Variants in CAMK2B observed in about 807,000 individuals in gnomAD.
CAMK2B encodes the protein calcium/calmodulin-dependent protein kinase type II subunit beta.
Under a neutral mutation model 93.7 loss-of-function variants are expected in CAMK2B, and 27 were observed. The ratio of observed to expected loss-of-function variants is 0.29; its 90% CI spans 0.21 to 0.40. The LOEUF is 0.40. CAMK2B is among the 10% of genes least tolerant of loss of function. CAMK2B has a pLI of 1.00. For missense variants in CAMK2B, 568 were observed against 895.8 expected, an observed-to-expected ratio of 0.63 and a Z score of 4.67; for synonymous variants, 374 against 358.8, an observed-to-expected ratio of 1.04 and a Z score of -0.48.
intron 18 of CAMK2B, 43 bp downstream of exon 18, chr7:44,229,345 C>G: frequency 7.3e-7 from 1 of 1,372,602 alleles, no homozygotes; most frequent in Non-Finnish European, 9.9e-7. Flanking sequence ...GGTTGCCAGC[C>G]CTCCAACATG....
chr7:44,299,759 T>C (rs1789379554), intron 1 of CAMK2B, among the ~76,000 whole-genome samples: 1 of 152,130 alleles, frequency 6.6e-6, no homozygotes, highest in African/African-American at 2.4e-5. Flanking sequence ...GAGATGATAA[T>C]AGTATCTCTT....
At position 44,247,323 on chromosome 7, in the gene CAMK2B, G is replaced by A. The variant is rs945840425; in HGVS notation, c.342-131C>T. On this transcript the variant is annotated intron_variant, in intron 5 of 23. Transcript: ENST00000395749. The stretch of plus-strand genomic sequence containing the variant: ...GACAAAGCAAGTCAAGGTGAGAGGA[G>A]ATGCTGGCCAGGAGGGGCCTCTGGG... The A allele has an allele frequency of 2.8e-5, 21 of 761,736 alleles. No individual in the cohort carries two copies. In the African/African-American group the frequency reaches 3.1e-4, roughly 11 times the overall value. The allele number at this position is 761,736 out of a possible 1,614,324, so 47.2% of individuals were successfully genotyped here. A position where few individuals can be genotyped will look rare whatever the true frequency, so the allele number is the denominator to read the frequency against.
At chr7:44,300,654 G>A (rs965989978) in intron 1 of CAMK2B, among the ~76,000 whole-genome samples, 3 of 152,144 alleles carry the variant, frequency 2.0e-5, no homozygotes, top group African/African-American at 7.2e-5. Flanking sequence ...GGAACTGTAA[G>A]GATAAAAAGA....
intron 2 of CAMK2B, among the ~76,000 whole-genome samples, chr7:44,263,759 A>G: frequency 6.6e-6 from 1 of 152,202 alleles, no homozygotes; most frequent in Non-Finnish European, 1.5e-5. Flanking sequence ...TTAAAAACTG[A>G]TGGAGATTGT....
chr7:44,247,210 T>C lies in CAMK2B; in HGVS notation c.342-18A>G. The C allele has an allele frequency of 6.2e-7, 1 of 1,612,526 alleles. No homozygotes were observed. Among genetic ancestry groups the C allele is most frequent in the Non-Finnish European group, 8.5e-7 (1 of 1,178,874 alleles). On this transcript the variant is annotated intron_variant, in intron 5 of 23. Coordinates refer to ENST00000395749, the MANE Select transcript of CAMK2B (RefSeq NM_001220.5). ...TACAGTGACTGTGGCAAACAGCAGGTGGGTTAGTGCGAGTGGCCCTGGGGA... is the reference window on the plus strand; with the variant it reads ...TACAGTGACTGTGGCAAACAGCAGGCGGGTTAGTGCGAGTGGCCCTGGGGA...
intron 1 of CAMK2B, among the ~76,000 whole-genome samples, chr7:44,291,494 C>T (rs933782998): frequency 6.6e-6 from 1 of 152,334 alleles, no homozygotes; most frequent in Non-Finnish European, 1.5e-5. Context: ...AGACAAGCAG[C>T]TGGACACACT....
intron 17 of CAMK2B, 27 bp downstream of exon 17, chr7:44,230,979 G>T (rs376963161): frequency 1.3e-6 from 2 of 1,549,902 alleles, no homozygotes; most frequent in Admixed American, 2.0e-5. Flanking sequence ...AAGGCCGCTG[G>T]GGGGGCAAGG....
At chr7:44,315,068 T>C (rs1003628618) in intron 1 of CAMK2B, among the ~76,000 whole-genome samples, 1 of 152,204 alleles carries the variant, frequency 6.6e-6, no homozygotes, top group Non-Finnish European at 1.5e-5. Flanking sequence ...AATACAAAAG[T>C]TTTCACTGTT....
intron 4 of CAMK2B, among the ~76,000 whole-genome samples, chr7:44,258,659 G>A (rs1057285917): frequency 2.6e-5 from 4 of 152,220 alleles, no homozygotes; most frequent in Non-Finnish European, 5.9e-5. Context: ...GCCTCTGTGG[G>A]CCTCAGTAAC....
intron 1 of CAMK2B, among the ~76,000 whole-genome samples, chr7:44,297,248 GTAT>G (rs1024547953): frequency 7.2e-5 from 11 of 152,094 alleles, no homozygotes; most frequent in African/African-American, 2.4e-4. Flanking sequence ...AGTTGTAAAT[GTAT>G]ATAGGTATAT....
rs1329168047 is a variant in CAMK2B, at chr7:44,224,688, G to A, written c.1597+1828C>T. ...CCCAAGCCCATCTCTCAGAGCCAGA[G>A]GTGGCTGCGGGAGGGAGGGCAGCTG... is the stretch of plus-strand genomic sequence containing the variant. On this transcript the variant is annotated intron_variant, in intron 20 of 23. Transcript: ENST00000395749. The surrounding 1 kb of genome is among the most constrained non-coding windows in gnomAD (Gnocchi z 4.4). Among the ~76,000 whole-genome samples the A allele has an allele frequency of 6.6e-6, 1 of 152,204 alleles. No individual in the cohort carries two copies. The highest frequency in any genetic ancestry group is 1.5e-5 in the Non-Finnish European group (1 of 68,026).
At chr7:44,319,480 G>C (rs1420466872) in intron 1 of CAMK2B, among the ~76,000 whole-genome samples, 1 of 152,158 alleles carries the variant, frequency 6.6e-6, no homozygotes, top group Non-Finnish European at 1.5e-5. Flanking sequence ...TCTGCTCTTC[G>C]GGATTCCTAG....
chr7:44,266,996 C>T (rs970586965), intron 2 of CAMK2B: 2 of 152,322 alleles, frequency 1.3e-5, no homozygotes, highest in African/African-American at 4.8e-5. Flanking sequence ...AGGCTCACGG[C>T]ACCTCTACGT....
chr7:44,240,917 G>A (rs547338505), intron 11 of CAMK2B, among the ~76,000 whole-genome samples, 168 bp from the exon 12 acceptor site: 2 of 152,230 alleles, frequency 1.3e-5, no homozygotes, highest in African/African-American at 4.8e-5. Flanking sequence ...GCCAGCAGCC[G>A]CACTGAGACA....
intron 15 of CAMK2B, 150 bp from the exon 16 acceptor site, chr7:44,233,016 G>T: frequency 1.4e-6 from 1 of 704,660 alleles, no homozygotes; most frequent in Non-Finnish European, 2.5e-6. Flanking sequence ...TGGGGGACAG[G>T]GATGGAGGCG....
chr7:44,243,649 T>G, intron 6 of CAMK2B, 122 bp from the exon 7 acceptor site: 2 of 731,132 alleles, frequency 2.7e-6, no homozygotes, highest in Non-Finnish European at 4.7e-6. Flanking sequence ...TGCACAGGTC[T>G]GAGCCCTGCC....
intron 18 of CAMK2B, 155 bp from the exon 19 acceptor site, chr7:44,229,079 C>T: frequency 1.3e-6 from 1 of 762,066 alleles, no homozygotes; most frequent in South Asian, 1.5e-5. Context: ...GCAGGGAGCC[C>T]CCCCGCCCGC....
chr7:44,301,487 AAAG>A (rs1459669411), intron 1 of CAMK2B, among the ~76,000 whole-genome samples: 1 of 152,184 alleles, frequency 6.6e-6, no homozygotes, highest in Non-Finnish European at 1.5e-5. Flanking sequence ...TACATTTTGA[AAAG>A]AAGAGGCCGG....
At chr7:44,283,656 C>A (rs112726422) in intron 2 of CAMK2B, among the ~76,000 whole-genome samples, 1 of 152,342 alleles carries the variant, frequency 6.6e-6, no homozygotes, top group Admixed American at 6.5e-5. Context: ...GATGGCCAAC[C>A]GCAGCACTGC....
Sources: allele counts gnomAD v4.1 joint callset (sites outside exome capture counted in the v4.1 genomes callset), GRCh38; gene constraint gnomAD v4.1.1; non-coding constraint Gnocchi (gnomAD v3.1); transcripts MANE v1.5; gene names NCBI Gene and HGNC (gene_info 2026-07-23, HGNC 2026-07-21).